The following PITPNB variants were observed in gnomAD, a reference collection of about 807,000 sequenced individuals.
PITPNB encodes the protein phosphatidylinositol transfer protein beta isoform.
A neutral mutation model predicts 45.9 loss-of-function variants in PITPNB; 16 were observed. That is an observed-to-expected ratio of 0.35 (90% CI 0.24 to 0.53). PITPNB has a LOEUF of 0.53. Ranked by LOEUF, PITPNB falls within the 20% of genes least tolerant of loss-of-function variation. PITPNB has a pLI of 0.93. For missense variants in PITPNB, 188 were observed against 330.5 expected, an observed-to-expected ratio of 0.57 and a Z score of 3.34; for synonymous variants, 112 against 108.9, an observed-to-expected ratio of 1.03 and a Z score of -0.18.
chr22:27,884,871 T>C (rs1935070979), intron 7 of PITPNB, among the ~76,000 whole-genome samples: 1 of 152,166 alleles, frequency 6.6e-6, no homozygotes, highest in Non-Finnish European at 1.5e-5. Context: ...CCTTAAAATT[T>C]TGGATTAAAC....
At chr22:27,909,207 CTTTTTT>C (rs34224616) in intron 3 of PITPNB, among the ~76,000 whole-genome samples, 5 of 82,246 alleles carry the variant, frequency 6.1e-5, no homozygotes, top group East Asian at 8.9e-4. Flanking sequence ...ACTGGTAGTA[CTTTTTT>C]TTTTTTTTTT....
intron 7 of PITPNB, among the ~76,000 whole-genome samples, chr22:27,881,510 C>A (rs1043949862): frequency 3.3e-5 from 5 of 152,206 alleles, no homozygotes; most frequent in South Asian, 2.1e-4. Flanking sequence ...CTACTGAGAT[C>A]AAGTGTGTCT....
At chr22:27,889,720 A>G (rs533110601) in intron 7 of PITPNB, among the ~76,000 whole-genome samples, 137 of 152,318 alleles carry the variant, frequency 9.0e-4, no homozygotes, top group African/African-American at 3.0e-3. Context: ...AGTCTCTTGT[A>G]GGTGCTATAC....
At chr22:27,891,538 A>AT (rs1189918508) in intron 7 of PITPNB, among the ~76,000 whole-genome samples, 1 of 152,166 alleles carries the variant, frequency 6.6e-6, no homozygotes, top group Non-Finnish European at 1.5e-5. Context: ...TCAAATTGTA[A>AT]TTAACACATG....
intron 2 of PITPNB, among the ~76,000 whole-genome samples, chr22:27,912,561 T>C (rs1935956936): frequency 6.6e-6 from 1 of 151,888 alleles, no homozygotes; most frequent in Admixed American, 6.6e-5. Context: ...ATGAACTGTA[T>C]CCAAAAAAAC....
rs763605301 is a variant in PITPNB, at chr22:27,919,164, C to G, written c.20+8G>C. 1.1e-5 allele frequency: 18 copies of G among 1,613,938 alleles called. No individual in the cohort carries two copies. In the South Asian group the frequency reaches 1.6e-4, roughly 15 times the overall value. ...CACGGCCTCGCTCGCGCCCACAGAC[C>G]CACTCACAATTCCTTGATCAGCACC... On this transcript the variant is annotated splice_region_variant and intron_variant, in intron 1 of 11. Coordinates refer to ENST00000335272, the MANE Select transcript of PITPNB (RefSeq NM_012399.5).
At chr22:27,874,641 AC>A (rs1569012599) in intron 7 of PITPNB, among the ~76,000 whole-genome samples, 1 of 151,890 alleles carries the variant, frequency 6.6e-6, no homozygotes, top group African/African-American at 2.4e-5. Context: ...ACAAACACAC[AC>A]TCTCTCTCTC....
chr22:27,870,582 A>G (rs1424375687), intron 8 of PITPNB, among the ~76,000 whole-genome samples: 3 of 152,356 alleles, frequency 2.0e-5, no homozygotes, highest in East Asian at 1.9e-4. Context: ...TGGGTCCACA[A>G]TAAGATTTCT....
At chr22:27,910,311 G>A (rs1462260773) in intron 3 of PITPNB, 1 of 152,100 alleles carries the variant, frequency 6.6e-6, no homozygotes, top group African/African-American at 2.4e-5. Context: ...GCCCAGGCTG[G>A]TGTCGAACTC....
At chr22:27,885,996 T>A (rs1429804597) in intron 7 of PITPNB, among the ~76,000 whole-genome samples, 4 of 152,172 alleles carry the variant, frequency 2.6e-5, no homozygotes, top group Admixed American at 2.6e-4. Context: ...CTTTTAGAAG[T>A]GATGCCTGGG....
rs576111414 is a variant in PITPNB, at chr22:27,861,916, A to C, written c.535-1675T>G. 1.4e-4 allele frequency among the ~76,000 whole-genome samples: 22 copies of C among 152,338 alleles called. No homozygotes were observed. The South Asian group carries it at 4.6e-3, about 32-fold the overall frequency. On this transcript the variant is annotated intron_variant, in intron 8 of 11. Coordinates refer to ENST00000335272, the MANE Select transcript of PITPNB (RefSeq NM_012399.5). Reference sequence around the variant, plus strand: ...TGTATTGACCACTTTTGAATCTGCAAGACAGTTTTGAACAAATTGCCTCAT... The same window carrying C: ...TGTATTGACCACTTTTGAATCTGCACGACAGTTTTGAACAAATTGCCTCAT...
chr22:27,911,228 C>T, intron 2 of PITPNB, 119 bp from the exon 3 acceptor site: 1 of 631,332 alleles, frequency 1.6e-6, no homozygotes. Context: ...TTCAGCACAA[C>T]TGTGTTCAAT....
At chr22:27,887,501 G>A (rs372435213) in intron 7 of PITPNB, among the ~76,000 whole-genome samples, 2 of 151,992 alleles carry the variant, frequency 1.3e-5, no homozygotes, top group Admixed American at 6.6e-5. Flanking sequence ...TCTGGTCCCC[G>A]GAACAAGACA....
In PITPNB at chr22:27,915,311, CT is replaced by C. The variant is rs369323857; in HGVS notation, c.21-965del. Among the ~76,000 whole-genome samples the C allele has an allele frequency of 6.8e-3, 1,030 of 152,112 alleles. 7 individuals carry two copies. Among genetic ancestry groups the C allele is most frequent in the African/African-American group, 0.023 (935 of 41,498 alleles). ...TTTCCTCATTCCAATTTCTTTTCAG[CT>C]TATAATTTCTTTTTCTTTTTTTCTT... On this transcript the variant is annotated intron_variant, in intron 1 of 11. Coordinates refer to ENST00000335272, the MANE Select transcript of PITPNB (RefSeq NM_012399.5).
At chr22:27,918,031 A>T (rs1936134761) in intron 1 of PITPNB, among the ~76,000 whole-genome samples, 1 of 152,232 alleles carries the variant, frequency 6.6e-6, no homozygotes, top group Non-Finnish European at 1.5e-5. Flanking sequence ...AACTTATTCT[A>T]GAGTAGCAGA....
At chr22:27,886,325 A>G (rs1323205182) in intron 7 of PITPNB, among the ~76,000 whole-genome samples, 1 of 145,026 alleles carries the variant, frequency 6.9e-6, no homozygotes, top group African/African-American at 2.4e-5. Flanking sequence ...ATAGTCATAT[A>G]CAGACTTCCC....
intron 7 of PITPNB, among the ~76,000 whole-genome samples, chr22:27,893,409 C>G (rs1431111763): frequency 6.6e-6 from 1 of 151,386 alleles, no homozygotes; most frequent in African/African-American, 2.4e-5. Flanking sequence ...CTCAGCCTCC[C>G]GAGTAGCTGG....
intron 6 of PITPNB, among the ~76,000 whole-genome samples, chr22:27,895,815 G>T (rs917930869): frequency 6.6e-6 from 1 of 152,172 alleles, no homozygotes; most frequent in East Asian, 1.9e-4. Context: ...CACCCCTAGA[G>T]ATTCTGGTTC....
chr22:27,910,211 A>G (rs1054017949), intron 3 of PITPNB, among the ~76,000 whole-genome samples: 1 of 151,922 alleles, frequency 6.6e-6, no homozygotes, highest in Non-Finnish European at 1.5e-5. Context: ...CAGCCTCCCA[A>G]AGTGCTGGGA....
Sources: gnomAD v4.1 joint callset for allele counts (sites outside exome capture counted in the v4.1 genomes callset) on GRCh38, gnomAD v4.1.1 for gene constraint, MANE v1.5 for transcripts, NCBI Gene and HGNC (gene_info 2026-07-23, HGNC 2026-07-21) for gene names.